RAB7A: variants seen among roughly 807,000 people sequenced by gnomAD.
The protein encoded by RAB7A is ras-related protein Rab-7a.
A neutral mutation model predicts 24.5 loss-of-function variants in RAB7A; 2 were observed. The ratio of observed to expected loss-of-function variants is 0.08; its 90% CI spans 0.03 to 0.26. The LOEUF is 0.26. Among genes scored for constraint, RAB7A ranks in the 10% least tolerant of loss-of-function variants. RAB7A has a pLI of 1.00. For missense variants in RAB7A, 118 were observed against 255.7 expected (o/e 0.46, Z 3.67); for synonymous variants, 100 against 95.9 (o/e 1.04, Z -0.25).
chr3:128,743,084 G>A (rs1273623281), intron 1 of RAB7A, among the ~76,000 whole-genome samples: 3 of 152,232 alleles, frequency 2.0e-5, no homozygotes, highest in Admixed American at 6.5e-5. Context: ...GGCAGCTGAG[G>A]CCTGGTGAGA....
rs1559799375 is a variant in RAB7A, at chr3:128,813,583, TCTCACACACA to T, written c.*163_*172del. 2.9e-6 allele frequency: 2 copies of T among 681,134 alleles called. No individual in the cohort carries two copies. The highest frequency in any genetic ancestry group is 5.4e-6 in the Non-Finnish European group (2 of 373,036). 42.2% of individuals were successfully genotyped at this position (681,134 alleles called of 1,614,324 possible). Reference sequence around the variant, plus strand: ...CAAACACAGTTACACCCCACATATCTCTCACACACACACACACACGCACACACACACACAC... The same window carrying T: ...CAAACACAGTTACACCCCACATATCTCACACACACGCACACACACACACAC... On this transcript the variant is annotated 3_prime_UTR_variant, in exon 6 of 6. Coordinates refer to ENST00000265062, the MANE Select transcript of RAB7A (RefSeq NM_004637.6).
At chr3:128,776,453 T>G (rs941507135) in intron 1 of RAB7A, among the ~76,000 whole-genome samples, 9 of 152,088 alleles carry the variant, frequency 5.9e-5, no homozygotes, top group African/African-American at 2.2e-4. Flanking sequence ...ACCCAGCTAC[T>G]GTATTAATTT....
chr3:128,777,232 C>T (rs1038064494), intron 1 of RAB7A, among the ~76,000 whole-genome samples: 25 of 152,102 alleles, frequency 1.6e-4, no homozygotes, highest in African/African-American at 5.8e-4. Context: ...CACTCTGTCA[C>T]CCAGCCGCTG....
chr3:128,796,049 C>T (rs1195933509), intron 2 of RAB7A, among the ~76,000 whole-genome samples: 1 of 152,096 alleles, frequency 6.6e-6, no homozygotes, highest in Non-Finnish European at 1.5e-5. Flanking sequence ...CCGCGCCCGA[C>T]CCAGATGTGC....
intron 1 of RAB7A, among the ~76,000 whole-genome samples, chr3:128,729,949 G>A (rs957560348): frequency 1.3e-5 from 2 of 151,966 alleles, no homozygotes; most frequent in Admixed American, 6.6e-5. Context: ...TGAACTCCCC[G>A]CCTCCCCCCT....
chr3:128,759,149 T>C (rs949010464), intron 1 of RAB7A, among the ~76,000 whole-genome samples: 8 of 152,234 alleles, frequency 5.3e-5, no homozygotes, highest in Non-Finnish European at 8.8e-5. Flanking sequence ...TATGGTTTCA[T>C]AGTTACATTG....
chr3:128,732,228 T>TG (rs1220342865), intron 1 of RAB7A, among the ~76,000 whole-genome samples: 1 of 151,566 alleles, frequency 6.6e-6, no homozygotes, highest in Non-Finnish European at 1.5e-5. Flanking sequence ...TTAGTATAGA[T>TG]GGGGTTTCAC....
chr3:128,763,224 T>A (rs1231497123), intron 1 of RAB7A, among the ~76,000 whole-genome samples: 1 of 129,794 alleles, frequency 7.7e-6, no homozygotes. Context: ...TTTTTTTTTT[T>A]TTTTTTTTGA....
intron 1 of RAB7A, among the ~76,000 whole-genome samples, chr3:128,794,972 T>C (rs1430579638): frequency 6.6e-6 from 1 of 152,128 alleles, no homozygotes. Flanking sequence ...GGGGTTATGC[T>C]GCTTTAAATA....
Position 128,813,364 on chromosome 3 carries a change from C to G in RAB7A, c.566C>G (p.Pro189Arg). ...EVELYNEFPE[P>R]IKLDKNDRAK... Reference sequence around the variant, plus strand: ...GAGCTGTACAACGAATTTCCTGAACCTATCAAACTGGACAAGAATGACCGG... The same window carrying G: ...GAGCTGTACAACGAATTTCCTGAACGTATCAAACTGGACAAGAATGACCGG... Residue 189 changes from proline (P) to arginine (R), a missense_variant, in exon 6 of 6, where the codon CCT becomes CGT. Physicochemically the swap from Pro to Arg is moderately radical, Grantham distance 103. Around this residue, in one of 2 missense-constraint regions of RAB7A, gnomAD observed 66 missense variants for 82.2 expected, o/e 0.80. Coordinates refer to ENST00000265062, the MANE Select transcript of RAB7A (RefSeq NM_004637.6). The G allele has an allele frequency of 2.5e-6, 4 of 1,614,208 alleles. No homozygotes were observed. Among genetic ancestry groups the G allele is most frequent in the Non-Finnish European group, 3.4e-6 (4 of 1,180,032 alleles).
At chr3:128,766,417 C>T (rs2070831919) in intron 1 of RAB7A, among the ~76,000 whole-genome samples, 1 of 152,168 alleles carries the variant, frequency 6.6e-6, no homozygotes, top group Non-Finnish European at 1.5e-5. Flanking sequence ...ACAGGTCTTT[C>T]ACTAGGACAG....
At chr3:128,749,452 G>C (rs2107590424) in intron 1 of RAB7A, 1 of 152,312 alleles carries the variant, frequency 6.6e-6, no homozygotes, top group African/African-American at 2.4e-5. Context: ...CCTTAGCGAA[G>C]CTACCCCGGC....
intron 3 of RAB7A, among the ~76,000 whole-genome samples, chr3:128,805,894 C>T (rs1162050226): frequency 6.6e-6 from 1 of 152,116 alleles, no homozygotes; most frequent in Non-Finnish European, 1.5e-5. Flanking sequence ...TCCGGTGATC[C>T]ACTGTGCCTG....
intron 1 of RAB7A, among the ~76,000 whole-genome samples, chr3:128,750,291 C>CA: frequency 6.6e-6 from 1 of 152,128 alleles, no homozygotes; most frequent in Non-Finnish European, 1.5e-5. Context: ...GACAGAGTCT[C>CA]ACTGTTGTTG....
At chr3:128,789,278 C>T (rs950710969) in intron 1 of RAB7A, among the ~76,000 whole-genome samples, 3 of 149,978 alleles carry the variant, frequency 2.0e-5, no homozygotes, top group Admixed American at 6.6e-5. Flanking sequence ...AGGAAGTGGT[C>T]GGTGCTTTAG....
At chr3:128,793,552 T>G (rs112549080) in intron 1 of RAB7A, among the ~76,000 whole-genome samples, 1,821 of 152,326 alleles carry the variant, frequency 0.012, 33 homozygotes, top group African/African-American at 0.039. Flanking sequence ...CCCTTCTTTC[T>G]ATTTGAAACT....
intron 1 of RAB7A, among the ~76,000 whole-genome samples, chr3:128,787,733 C>G (rs1283690226): frequency 6.6e-6 from 1 of 152,200 alleles, no homozygotes; most frequent in Non-Finnish European, 1.5e-5. Context: ...CTTTTTGAGA[C>G]AGAGGGTTGT....
chr3:128,744,652 A>G (rs1214592247), intron 1 of RAB7A, among the ~76,000 whole-genome samples: 1 of 152,140 alleles, frequency 6.6e-6, no homozygotes, highest in East Asian at 1.9e-4. Context: ...GTTCACAAGA[A>G]TTCCTTATCC....
At chr3:128,764,987 G>C (rs922560295) in intron 1 of RAB7A, 31 of 1,595,120 alleles carry the variant, frequency 1.9e-5, no homozygotes, top group Admixed American at 3.3e-5. Flanking sequence ...TGGTAGTTCT[G>C]GCGCACCTGC....
Sources: gnomAD v4.1 joint callset for allele counts (sites outside exome capture counted in the v4.1 genomes callset) on GRCh38, gnomAD v4.1.1 for gene constraint, gnomAD v4.1.1 regional missense constraint, MANE v1.5 for transcripts, NCBI Gene and HGNC (gene_info 2026-07-23, HGNC 2026-07-21) for gene names.